Variants in RPH3A observed in about 807,000 individuals in gnomAD.
RPH3A encodes rabphilin-3A.
A neutral mutation model predicts 102.2 loss-of-function variants in RPH3A; 48 were observed. That is an observed-to-expected ratio of 0.47 (90% CI 0.37 to 0.60). The LOEUF (loss-of-function observed/expected upper bound fraction) is 0.60, where lower values mean the gene tolerates loss of function less well. Among genes scored for constraint, RPH3A ranks in the 20% least tolerant of loss-of-function variants. RPH3A has a pLI of 0.00. For missense variants in RPH3A, 781 were observed against 910.1 expected, an observed-to-expected ratio of 0.86 and a Z score of 1.83; for synonymous variants, 310 against 324.3, an observed-to-expected ratio of 0.96 and a Z score of 0.47.
intron 1 of RPH3A, among the ~76,000 whole-genome samples, chr12:112,671,011 C>T (rs567724952): frequency 5.3e-4 from 80 of 151,890 alleles, no homozygotes; most frequent in African/African-American, 1.9e-3. Context: ...GGGGGAGATG[C>T]CCAAGTTTAG....
intron 7 of RPH3A, among the ~76,000 whole-genome samples, chr12:112,867,955 G>T (rs374492124): frequency 6.6e-6 from 1 of 152,300 alleles, no homozygotes; most frequent in Admixed American, 6.5e-5. Context: ...ATCTGACGGG[G>T]CAATGGAAGA....
At chr12:112,689,263 A>G (rs950853054) in intron 1 of RPH3A, among the ~76,000 whole-genome samples, 3 of 152,214 alleles carry the variant, frequency 2.0e-5, no homozygotes, top group African/African-American at 7.2e-5. Context: ...TGTGGTGAAC[A>G]GGAGAGCCCA....
At chr12:112,874,780 A>G (rs2042765477) in intron 10 of RPH3A, 2 of 351,694 alleles carry the variant, frequency 5.7e-6, no homozygotes, top group Middle Eastern at 7.0e-4. Flanking sequence ...ATCTCCATAT[A>G]CCAGGTGAGG....
chr12:112,680,524 G>C (rs574113905), intron 1 of RPH3A, among the ~76,000 whole-genome samples: 1 of 152,064 alleles, frequency 6.6e-6, no homozygotes, highest in South Asian at 2.1e-4. Flanking sequence ...CCTGCCCAAG[G>C]TCACACAGCT....
chr12:112,836,525 T>A, intron 4 of RPH3A, 23 bp downstream of exon 4: 1 of 1,219,278 alleles, frequency 8.2e-7, no homozygotes, highest in Non-Finnish European at 1.1e-6. Flanking sequence ...TAACACTTAT[T>A]TATTTATTTT....
rs1293514100 is a variant in RPH3A, at chr12:112,881,855, T to C, written c.1326+9T>C. 16 of 1,607,958 alleles carry C rather than the reference T, an allele frequency of 1.0e-5. No homozygotes were observed. The highest frequency in any genetic ancestry group is 2.7e-5 in the African/African-American group (2 of 74,734). On this transcript the variant is annotated intron_variant, in intron 15 of 21. Transcript: ENST00000389385. ...TGCCGGGAGCCAGCAAGGTACCATA[T>C]GGCCTGGGCTTCTCTGCAAACCGGG...
intron 1 of RPH3A, among the ~76,000 whole-genome samples, chr12:112,580,441 T>A (rs1251476396): frequency 1.1e-4 from 15 of 141,762 alleles, no homozygotes; most frequent in African/African-American, 3.4e-4. Flanking sequence ...TCTCGCTCTG[T>A]CGCCCAGGCT....
intron 18 of RPH3A, 140 bp downstream of exon 18, chr12:112,890,220 C>A: frequency 1.3e-6 from 1 of 755,430 alleles, no homozygotes. Flanking sequence ...TTGAGAACAA[C>A]CCTTTGCCCA....
intron 1 of RPH3A, among the ~76,000 whole-genome samples, chr12:112,644,090 A>ATAATGTGCACACATGGGC (rs1179527691): frequency 6.6e-6 from 1 of 152,226 alleles, no homozygotes; most frequent in Middle Eastern, 3.2e-3. Flanking sequence ...TGGGAGCTAA[A>ATAATGTGCACACATGGGC]TAATGTGCAC....
At chr12:112,617,254 T>G (rs1184501793) in intron 1 of RPH3A, among the ~76,000 whole-genome samples, 1 of 152,204 alleles carries the variant, frequency 6.6e-6, no homozygotes, top group East Asian at 1.9e-4. Context: ...GCATTCCTGC[T>G]GGTCCCTGCA....
chr12:112,696,229 T>C (rs1439111729), intron 1 of RPH3A, among the ~76,000 whole-genome samples: 1 of 152,232 alleles, frequency 6.6e-6, no homozygotes, highest in Non-Finnish European at 1.5e-5. Context: ...CTTTATCCAC[T>C]CGTTGGTTGA....
At chr12:112,810,592 A>G (rs1398663754) in intron 2 of RPH3A, among the ~76,000 whole-genome samples, 1 of 152,186 alleles carries the variant, frequency 6.6e-6, no homozygotes, top group Non-Finnish European at 1.5e-5. Context: ...CACAAAAGTG[A>G]TGGCAGAGGA....
At chr12:112,683,486 G>C (rs1461258977) in intron 1 of RPH3A, among the ~76,000 whole-genome samples, 1 of 152,164 alleles carries the variant, frequency 6.6e-6, no homozygotes, top group African/African-American at 2.4e-5. Context: ...AAGGACTAAG[G>C]TGCAGGGAGT....
At chr12:112,683,709 C>T (rs2040242690) in intron 1 of RPH3A, among the ~76,000 whole-genome samples, 1 of 152,104 alleles carries the variant, frequency 6.6e-6, no homozygotes. Flanking sequence ...TTCACTGATT[C>T]CCACACCTCT....
At position 112,843,142 on chromosome 12, in the gene RPH3A, T is replaced by G. The variant is rs537379041; in HGVS notation, c.84-4554T>G. Among the ~76,000 whole-genome samples the G allele has an allele frequency of 1.1e-4, 16 of 152,296 alleles. No homozygotes were observed. In the South Asian group the frequency reaches 3.3e-3, roughly 32 times the overall value. ...GCTGCCATCCTGTATCCAGAAGCCC[T>G]TGGCAAGGGTCTTATCCCAAGGACC... is the stretch of plus-strand genomic sequence containing the variant. On this transcript the variant is annotated intron_variant, in intron 4 of 21. Coordinates refer to ENST00000389385, the MANE Select transcript of RPH3A (RefSeq NM_001143854.2).
At chr12:112,721,507 A>G (rs777550750) in intron 1 of RPH3A, among the ~76,000 whole-genome samples, 12 of 152,244 alleles carry the variant, frequency 7.9e-5, no homozygotes, top group Admixed American at 5.2e-4. Flanking sequence ...AATCTATTAG[A>G]AAACATTAAT....
At chr12:112,737,535 T>A (rs2040678074) in intron 1 of RPH3A, among the ~76,000 whole-genome samples, 1 of 152,208 alleles carries the variant, frequency 6.6e-6, no homozygotes, top group Non-Finnish European at 1.5e-5. Context: ...CGAGGACTGT[T>A]TGGATAGCAT....
At chr12:112,818,222 T>C (rs974239603) in intron 2 of RPH3A, among the ~76,000 whole-genome samples, 7 of 144,794 alleles carry the variant, frequency 4.8e-5, no homozygotes, top group Admixed American at 4.4e-4. Flanking sequence ...ATGGCGAGAA[T>C]CCGGGAGGCA....
At chr12:112,671,870 TACACACACAC>T (rs372046825) in intron 1 of RPH3A, among the ~76,000 whole-genome samples, 1 of 147,616 alleles carries the variant, frequency 6.8e-6, no homozygotes, top group Non-Finnish European at 1.5e-5. Context: ...TCTATCTATC[TACACACACAC>T]ACACACACAC....
Sources: allele counts gnomAD v4.1 joint callset (sites outside exome capture counted in the v4.1 genomes callset), GRCh38; gene constraint gnomAD v4.1.1; transcripts MANE v1.5; gene names NCBI Gene and HGNC (gene_info 2026-07-23, HGNC 2026-07-21).